Variants in PCDHGA1 observed in about 807,000 individuals in gnomAD.
The protein encoded by PCDHGA1 is protocadherin gamma-A1.
PCDHGA1 carries 32 observed loss-of-function variants against 58.0 expected under a neutral mutation model. The ratio of observed to expected loss-of-function variants is 0.55; its 90% CI spans 0.42 to 0.74. The LOEUF (loss-of-function observed/expected upper bound fraction) is 0.74, where lower values mean the gene tolerates loss of function less well. Ranked by LOEUF, PCDHGA1 falls within the 30% of genes least tolerant of loss-of-function variation. PCDHGA1 has a pLI of 0.00. For synonymous variants in PCDHGA1, 498 were observed against 501.1 expected (o/e 0.99, Z 0.08); for missense variants, 1,205 against 1,182.3 (o/e 1.02, Z -0.28).
At chr5:141,475,979 C>A in intron 1 of PCDHGA1, 1 of 1,020,182 alleles carries the variant, frequency 9.8e-7, no homozygotes, top group Non-Finnish European at 1.4e-6. Flanking sequence ...GACTGAACAG[C>A]CGGCGAGCAA....
intron 3 of PCDHGA1, among the ~76,000 whole-genome samples, chr5:141,509,437 C>T (rs923580110): frequency 2.6e-5 from 4 of 152,104 alleles, no homozygotes; most frequent in African/African-American, 9.7e-5. Context: ...ACTCTTGTTT[C>T]CTCCTCTCCC....
At chr5:141,400,404 GT>G (rs2094016313) in intron 1 of PCDHGA1, 1 of 1,613,948 alleles carries the variant, frequency 6.2e-7, no homozygotes, top group South Asian at 1.1e-5. Flanking sequence ...GAAAGACGGA[GT>G]TTAATTTCCT....
At chr5:141,505,780 G>A (rs1595982811) in intron 3 of PCDHGA1, among the ~76,000 whole-genome samples, 1 of 139,456 alleles carries the variant, frequency 7.2e-6, no homozygotes, top group Non-Finnish European at 1.6e-5. Flanking sequence ...TCCTAGCTCT[G>A]CTACTATCCT....
At chr5:141,495,463 G>T (rs1562169154) in intron 2 of PCDHGA1, among the ~76,000 whole-genome samples, 1 of 152,114 alleles carries the variant, frequency 6.6e-6, no homozygotes, top group Non-Finnish European at 1.5e-5. Context: ...TCTGTCTGTG[G>T]GGTCTCCGTG....
intron 1 of PCDHGA1, chr5:141,415,357 C>T: frequency 6.2e-7 from 1 of 1,614,250 alleles, no homozygotes; most frequent in Non-Finnish European, 8.5e-7. Context: ...CAAGTCACGC[C>T]TGCTGCAGGC....
chr5:141,486,121 T>G lies in PCDHGA1; in HGVS notation c.2422-8686T>G. The G allele has an allele frequency of 6.2e-7, 1 of 1,614,204 alleles. No homozygotes were observed. Among genetic ancestry groups the G allele is most frequent in the Non-Finnish European group, 8.5e-7 (1 of 1,180,036 alleles). Reference sequence around the variant, plus strand: ...TAGACTTTGAGAGTGAGAATTACTATGAATTTGATGTGCGGGCTCGCGATG... The same window carrying G: ...TAGACTTTGAGAGTGAGAATTACTAGGAATTTGATGTGCGGGCTCGCGATG... On this transcript the variant is annotated intron_variant, in intron 1 of 3. Transcript: ENST00000517417. The surrounding 1 kb of genome is among the most constrained non-coding windows in gnomAD (Gnocchi z 5.0).
rs56854727 is a variant in PCDHGA1, at chr5:141,438,635, TACACACAC to T, written c.2422-56162_2422-56155del. ...ATATATATATATATATATATATATA[TACACACAC>T]ACACACACATATATGTATATATATA... On this transcript the variant is annotated intron_variant, in intron 1 of 3. Transcript: ENST00000517417. Among the ~76,000 whole-genome samples, 72 of 33,376 alleles carry T rather than the reference TACACACAC, an allele frequency of 2.2e-3. 1 individual carries two copies. Among genetic ancestry groups the T allele is most frequent in the Non-Finnish European group, 3.0e-3 (57 of 18,970 alleles). The allele number at this position is 33,376 out of a possible 152,430, so 21.9% of individuals were successfully genotyped here.
In PCDHGA1 at chr5:141,448,136, A is replaced by G. The variant is rs2098567363; in HGVS notation, c.2422-46671A>G. Among the ~76,000 whole-genome samples, 5 of 152,036 alleles carry G rather than the reference A, an allele frequency of 3.3e-5. No individual in the cohort carries two copies. The South Asian group carries it at 1.0e-3, about 32-fold the overall frequency. On this transcript the variant is annotated intron_variant, in intron 1 of 3. Transcript: ENST00000517417. ...AAAATTAGCCTCCCCCACCCTCACT[A>G]TACCTCAGACTCACCCCTGAAAGAT...
chr5:141,472,095 C>T (rs1186697747), intron 1 of PCDHGA1, among the ~76,000 whole-genome samples: 1 of 151,998 alleles, frequency 6.6e-6, no homozygotes, highest in African/African-American at 2.4e-5. Flanking sequence ...TATTATTATT[C>T]CCATTTTATA....
chr5:141,357,471 C>G, intron 1 of PCDHGA1: 2 of 1,614,206 alleles, frequency 1.2e-6, no homozygotes, highest in East Asian at 2.2e-5. Context: ...CCCACGAGGT[C>G]TCCCTCACCG....
At chr5:141,428,175 G>A (rs766332920) in intron 1 of PCDHGA1, 20 of 1,508,456 alleles carry the variant, frequency 1.3e-5, no homozygotes, top group Non-Finnish European at 1.8e-5. Flanking sequence ...GTGCGTGACG[G>A]AGGACAGCCG....
chr5:141,473,930 G>T (rs966856411), intron 1 of PCDHGA1, among the ~76,000 whole-genome samples: 3 of 152,156 alleles, frequency 2.0e-5, no homozygotes, highest in Admixed American at 6.5e-5. Flanking sequence ...TGAGCTGGGT[G>T]CAGTAGCTCA....
chr5:141,424,401 G>A (rs1167861346), intron 1 of PCDHGA1: 1 of 151,844 alleles, frequency 6.6e-6, no homozygotes, highest in Non-Finnish European at 1.5e-5. Flanking sequence ...CCATTACTAT[G>A]GTGAAGTTAC....
At position 141,512,815 on chromosome 5, in the gene PCDHGA1, A is replaced by AC. The variant is rs1215322144; in HGVS notation, c.*1647dup. ...TGTGCTGTGTCCACGCGCTAAGGCG[A>AC]CCCCCTCCCCCGTACTGACTTCTCC... is the stretch of plus-strand genomic sequence containing the variant. On this transcript the variant is annotated 3_prime_UTR_variant, in exon 4 of 4. Coordinates refer to ENST00000517417, the MANE Select transcript of PCDHGA1 (RefSeq NM_018912.3). The AC allele has an allele frequency of 6.7e-6, 1 of 149,682 alleles. No homozygotes were observed. The highest frequency in any genetic ancestry group is 1.5e-5 in the Non-Finnish European group (1 of 67,474). 9.3% of individuals were successfully genotyped at this position (149,682 alleles called of 1,614,324 possible).
At chr5:141,449,796 A>G (rs1358409274) in intron 1 of PCDHGA1, among the ~76,000 whole-genome samples, 2 of 151,590 alleles carry the variant, frequency 1.3e-5, no homozygotes, top group Admixed American at 6.6e-5. Context: ...TTATTCCTAA[A>G]TACCTCATTG....
At chr5:141,357,688 C>G in intron 1 of PCDHGA1, 1 of 1,562,846 alleles carries the variant, frequency 6.4e-7, no homozygotes, top group Non-Finnish European at 8.7e-7. Flanking sequence ...AAATGTCTCT[C>G]ATTTTATATG....
At chr5:141,341,568 G>A in intron 1 of PCDHGA1, 1 of 1,290,976 alleles carries the variant, frequency 7.7e-7, no homozygotes, top group Non-Finnish European at 1.0e-6. Context: ...GGCTGTAAGA[G>A]GAAGAAGAGA....
chr5:141,482,049 C>G (rs1456071625), intron 1 of PCDHGA1, among the ~76,000 whole-genome samples: 2 of 149,284 alleles, frequency 1.3e-5, no homozygotes, highest in Non-Finnish European at 3.0e-5. Context: ...CATGCTGTTG[C>G]ATTCCAGCCT....
intron 1 of PCDHGA1, chr5:141,382,969 TG>T (rs1561593500): frequency 9.9e-6 from 16 of 1,609,418 alleles, no homozygotes; most frequent in Non-Finnish European, 1.4e-5. Flanking sequence ...GGGGACCCCC[TG>T]GGAAGCCTGG....
Sources: gnomAD v4.1 joint callset for allele counts (sites outside exome capture counted in the v4.1 genomes callset) on GRCh38, gnomAD v4.1.1 for gene constraint, Gnocchi (gnomAD v3.1) non-coding constraint, MANE v1.5 for transcripts, NCBI Gene and HGNC (gene_info 2026-07-23, HGNC 2026-07-21) for gene names.